The following CDH18 variants were observed in gnomAD, a reference collection of about 807,000 sequenced individuals.
The protein encoded by CDH18 is cadherin 18.
Under a neutral mutation model 67.9 loss-of-function variants are expected in CDH18, and 31 were observed. That is an observed-to-expected ratio of 0.46 (90% CI 0.34 to 0.62). The LOEUF is 0.62. Ranked by LOEUF, CDH18 falls within the 20% of genes least tolerant of loss-of-function variation. The probability of loss-of-function intolerance (pLI) is 0.01; values close to 1 mark genes in which losing one functional copy is unlikely to be tolerated. For missense variants in CDH18, 890 were observed against 975.5 expected (o/e 0.91, Z 1.17); for synonymous variants, 362 against 347.2 (o/e 1.04, Z -0.48).
At chr5:20,311,104 A>C (rs1490477914) in intron 1 of CDH18, among the ~76,000 whole-genome samples, 1 of 152,086 alleles carries the variant, frequency 6.6e-6, no homozygotes, top group Non-Finnish European at 1.5e-5. Context: ...CAAAACAAAA[A>C]CAAACAAAAA....
intron 2 of CDH18, among the ~76,000 whole-genome samples, chr5:19,879,752 T>C (rs939355610): frequency 3.3e-5 from 5 of 152,056 alleles, no homozygotes; most frequent in African/African-American, 1.2e-4. Flanking sequence ...TTAAATACAT[T>C]TGATTTGTTT....
intron 1 of CDH18, among the ~76,000 whole-genome samples, chr5:20,322,343 A>T (rs978635974): frequency 2.6e-5 from 4 of 152,116 alleles, no homozygotes; most frequent in South Asian, 2.1e-4. Context: ...ACTAAAATTA[A>T]AGTTGCTCAA....
intron 2 of CDH18, among the ~76,000 whole-genome samples, chr5:20,068,253 T>TC (rs1743157092): frequency 6.6e-6 from 1 of 152,092 alleles, no homozygotes; most frequent in Non-Finnish European, 1.5e-5. Flanking sequence ...ACATGATGGG[T>TC]CATGTACAAT....
At chr5:19,775,311 C>T (rs966284872) in intron 3 of CDH18, among the ~76,000 whole-genome samples, 12 of 152,090 alleles carry the variant, frequency 7.9e-5, no homozygotes, top group African/African-American at 2.9e-4. Context: ...TCTTGCATTG[C>T]TATAAAGAAA....
At chr5:19,954,903 G>T (rs1167839665) in intron 2 of CDH18, among the ~76,000 whole-genome samples, 11 of 151,914 alleles carry the variant, frequency 7.2e-5, no homozygotes, top group African/African-American at 2.7e-4. Context: ...CAAGTGGAGT[G>T]AAGTTTAGGA....
intron 2 of CDH18, among the ~76,000 whole-genome samples, chr5:19,845,242 C>T (rs1032952548): frequency 6.6e-6 from 1 of 151,834 alleles, no homozygotes; most frequent in African/African-American, 2.4e-5. Context: ...AGGATATTTC[C>T]TAATTTCTCT....
At chr5:19,751,428 G>A (rs190482677) in intron 3 of CDH18, among the ~76,000 whole-genome samples, 3 of 152,098 alleles carry the variant, frequency 2.0e-5, no homozygotes, top group Admixed American at 2.0e-4. Context: ...TATTTCAGTG[G>A]AAGCCAAAAA....
At chr5:19,569,011 G>A (rs917998066) in intron 8 of CDH18, among the ~76,000 whole-genome samples, 1 of 152,104 alleles carries the variant, frequency 6.6e-6, no homozygotes, top group Non-Finnish European at 1.5e-5. Flanking sequence ...CTTTGTCCTT[G>A]ACCTCAATTT....
At chr5:19,877,177 T>C (rs7716704) in intron 2 of CDH18, among the ~76,000 whole-genome samples, 45,363 of 151,916 alleles carry the variant, frequency 0.3, 7,859 homozygotes, top group South Asian at 0.4. Context: ...CGTGCTACAG[T>C]TTTGGTAAGA....
chr5:20,447,552 C>G (rs1033992409), intron 1 of CDH18, among the ~76,000 whole-genome samples: 1 of 152,168 alleles, frequency 6.6e-6, no homozygotes, highest in African/African-American at 2.4e-5. Flanking sequence ...TCCCAGCTCT[C>G]AGAACTGTCA....
chr5:20,075,502 A>AAAAC (rs1012838699), intron 2 of CDH18, among the ~76,000 whole-genome samples: 20 of 147,992 alleles, frequency 1.4e-4, no homozygotes, highest in African/African-American at 4.4e-4. Context: ...ACTCTGCCTC[A>AAAAC]AAACAAACAA....
chr5:20,369,599 G>T (rs574644492), intron 1 of CDH18, among the ~76,000 whole-genome samples: 1 of 152,164 alleles, frequency 6.6e-6, no homozygotes, highest in Non-Finnish European at 1.5e-5. Context: ...AAAGAGTTCA[G>T]TTTAGAGAAA....
chr5:20,368,909 G>A (rs10067692), intron 1 of CDH18, among the ~76,000 whole-genome samples: 150,041 of 152,314 alleles, frequency 0.99, 73,947 homozygotes, highest in Middle Eastern at 1. Flanking sequence ...ACGTTCTCCT[G>A]TAATTTATGA....
At chr5:19,549,731 AAG>A (rs145139737) in intron 8 of CDH18, among the ~76,000 whole-genome samples, 10 of 149,844 alleles carry the variant, frequency 6.7e-5, no homozygotes, top group African/African-American at 2.0e-4. Context: ...GGAAGGAAGA[AAG>A]AGAAAGAGAG....
intron 2 of CDH18, among the ~76,000 whole-genome samples, chr5:19,938,658 A>T (rs78476210): frequency 0.023 from 3,540 of 151,578 alleles, 98 homozygotes; most frequent in African/African-American, 0.078. Context: ...AATAACTATC[A>T]GGACATAAAG....
At chr5:20,442,899 C>T (rs985645858) in intron 1 of CDH18, among the ~76,000 whole-genome samples, 2 of 151,908 alleles carry the variant, frequency 1.3e-5, no homozygotes, top group Non-Finnish European at 2.9e-5. Context: ...TCAGATACTA[C>T]TTCACAAGTT....
intron 1 of CDH18, among the ~76,000 whole-genome samples, chr5:20,412,787 A>G (rs1290664149): frequency 6.6e-6 from 1 of 152,184 alleles, no homozygotes; most frequent in Non-Finnish European, 1.5e-5. Context: ...ATGAGATACC[A>G]TCTCACATCA....
At chr5:20,234,351 G>T (rs1742313676) in intron 2 of CDH18, among the ~76,000 whole-genome samples, 1 of 151,908 alleles carries the variant, frequency 6.6e-6, no homozygotes, top group Non-Finnish European at 1.5e-5. Flanking sequence ...TTCTCCATTG[G>T]TCATAACCAC....
chr5:19,886,922 A>C (rs1788273650), intron 2 of CDH18, among the ~76,000 whole-genome samples: 1 of 152,178 alleles, frequency 6.6e-6, no homozygotes, highest in Admixed American at 6.6e-5. Context: ...AAAACATAGC[A>C]GTAGCTTGAT....
Sources: gnomAD v4.1 joint callset for allele counts (sites outside exome capture counted in the v4.1 genomes callset) on GRCh38, gnomAD v4.1.1 for gene constraint, MANE v1.5 for transcripts, NCBI Gene and HGNC (gene_info 2026-07-23, HGNC 2026-07-21) for gene names.